Variants in NEGR1 observed in about 807,000 individuals in gnomAD.
NEGR1 encodes neuronal growth regulator 1, also known as IgLON family member 4.
NEGR1 carries 10 observed loss-of-function variants against 40.9 expected under a neutral mutation model. The ratio of observed to expected loss-of-function variants is 0.24; its 90% CI spans 0.15 to 0.42. The LOEUF (loss-of-function observed/expected upper bound fraction) is 0.42. NEGR1 is among the 10% of genes least tolerant of loss of function. The probability of loss-of-function intolerance (pLI) is 1.00; values close to 1 mark genes in which losing one functional copy is unlikely to be tolerated. For missense variants in NEGR1, 352 were observed against 438.9 expected, an observed-to-expected ratio of 0.80 and a Z score of 1.77; for synonymous variants, 185 against 166.8, an observed-to-expected ratio of 1.11 and a Z score of -0.84.
chr1:71,493,737 A>G (rs1173556895), intron 6 of NEGR1, among the ~76,000 whole-genome samples: 1 of 152,152 alleles, frequency 6.6e-6, no homozygotes, highest in Non-Finnish European at 1.5e-5. Flanking sequence ...CTGCTCATCA[A>G]CCAAATTCAA....
At chr1:72,048,022 C>T (rs1350458988) in intron 1 of NEGR1, among the ~76,000 whole-genome samples, 2 of 151,594 alleles carry the variant, frequency 1.3e-5, no homozygotes, top group Non-Finnish European at 3.0e-5. Context: ...AATGGACCAA[C>T]TACTCTTTTG....
intron 1 of NEGR1, among the ~76,000 whole-genome samples, chr1:71,997,134 C>T (rs1268927034): frequency 6.6e-6 from 1 of 152,006 alleles, no homozygotes; most frequent in African/African-American, 2.4e-5. Context: ...ATCAAGCTAC[C>T]TGTTGAATAA....
chr1:71,556,311 G>A (rs1648248554), intron 6 of NEGR1, among the ~76,000 whole-genome samples: 1 of 151,426 alleles, frequency 6.6e-6, no homozygotes, highest in South Asian at 2.1e-4. Context: ...AAAACAATTG[G>A]TTCATTAGCT....
At chr1:72,273,390 A>G (rs1655922561) in intron 1 of NEGR1, among the ~76,000 whole-genome samples, 1 of 151,928 alleles carries the variant, frequency 6.6e-6, no homozygotes, top group Non-Finnish European at 1.5e-5. Context: ...CACAATAGAC[A>G]TTTTGCTATT....
chr1:71,796,431 C>G (rs1222175609), intron 2 of NEGR1, among the ~76,000 whole-genome samples: 1 of 152,072 alleles, frequency 6.6e-6, no homozygotes, highest in Non-Finnish European at 1.5e-5. Context: ...AAAAAATAAT[C>G]GAGAAACAGG....
At chr1:72,070,494 T>C (rs141966220) in intron 1 of NEGR1, among the ~76,000 whole-genome samples, 76 of 152,128 alleles carry the variant, frequency 5.0e-4, no homozygotes, top group African/African-American at 1.7e-3. Flanking sequence ...TATTGCTTCA[T>C]GTAGTAGAAG....
intron 5 of NEGR1, among the ~76,000 whole-genome samples, chr1:71,597,548 G>A (rs1294587562): frequency 7.0e-6 from 1 of 142,800 alleles, no homozygotes; most frequent in Non-Finnish European, 1.5e-5. Flanking sequence ...AATGTGACCA[G>A]GAATGCTTTA....
intron 1 of NEGR1, among the ~76,000 whole-genome samples, chr1:72,207,194 C>T (rs922421679): frequency 3.3e-5 from 5 of 151,426 alleles, no homozygotes; most frequent in African/African-American, 1.2e-4. Flanking sequence ...ATATGTACCT[C>T]AAACATGTTT....
chr1:71,418,816 CT>C (rs1646374117), intron 6 of NEGR1, among the ~76,000 whole-genome samples: 1 of 152,114 alleles, frequency 6.6e-6, no homozygotes, highest in African/African-American at 2.4e-5. Context: ...ATTTTTTCAT[CT>C]TTCTTTTCCT....
chr1:72,106,457 G>T (rs1331180571), intron 1 of NEGR1, among the ~76,000 whole-genome samples: 1 of 151,792 alleles, frequency 6.6e-6, no homozygotes, highest in Non-Finnish European at 1.5e-5. Flanking sequence ...AGTAGATATT[G>T]CTAGCTCTCT....
At chr1:72,136,593 C>A (rs1650472435) in intron 1 of NEGR1, among the ~76,000 whole-genome samples, 1 of 128,246 alleles carries the variant, frequency 7.8e-6, no homozygotes, top group Admixed American at 8.7e-5. Context: ...CAGGTCTTAG[C>A]CAGCAAAAAA....
intron 4 of NEGR1, among the ~76,000 whole-genome samples, chr1:71,651,032 T>C (rs1268949603): frequency 6.6e-6 from 1 of 152,174 alleles, no homozygotes; most frequent in Non-Finnish European, 1.5e-5. Context: ...AATATAGCTT[T>C]ATCTCTTTTC....
At chr1:72,277,811 G>A (rs1291035918) in intron 1 of NEGR1, among the ~76,000 whole-genome samples, 2 of 152,054 alleles carry the variant, frequency 1.3e-5, no homozygotes, top group Non-Finnish European at 2.9e-5. Context: ...CTGTGTATTT[G>A]GAAGGTATAA....
intron 4 of NEGR1, among the ~76,000 whole-genome samples, chr1:71,644,970 T>C (rs952018190): frequency 1.3e-5 from 2 of 151,934 alleles, no homozygotes; most frequent in African/African-American, 2.4e-5. Context: ...TTTAGTTATT[T>C]TTTCTACTGG....
intron 6 of NEGR1, among the ~76,000 whole-genome samples, chr1:71,475,130 A>G (rs1172871612): frequency 6.6e-6 from 1 of 152,068 alleles, no homozygotes; most frequent in Non-Finnish European, 1.5e-5. Context: ...CTCTACTAGA[A>G]AAAGAGACTG....
chr1:71,690,043 C>T lies in NEGR1; in HGVS notation c.667+7965G>A, dbSNP rs1350736007. Among the ~76,000 whole-genome samples the T allele has an allele frequency of 2.0e-5, 3 of 151,948 alleles. No individual in the cohort carries two copies. In the East Asian group the frequency reaches 5.8e-4, roughly 29 times the overall value. ...GATGCTTTTGTCCCAAATTTATCTG[C>T]CATAATTCTTGTACATACTGCTATT... is the stretch of plus-strand genomic sequence containing the variant. On this transcript the variant is annotated intron_variant, in intron 4 of 6. Coordinates refer to ENST00000357731, the MANE Select transcript of NEGR1 (RefSeq NM_173808.3).
chr1:72,105,202 A>G (rs1649090381), intron 1 of NEGR1, among the ~76,000 whole-genome samples: 1 of 152,058 alleles, frequency 6.6e-6, no homozygotes, highest in Admixed American at 6.6e-5. Context: ...CATGTATCTG[A>G]TTTTACATCA....
intron 2 of NEGR1, among the ~76,000 whole-genome samples, chr1:71,818,766 C>T (rs1658317514): frequency 6.6e-6 from 1 of 151,664 alleles, no homozygotes; most frequent in Non-Finnish European, 1.5e-5. Context: ...ATTTTTTTAA[C>T]AATAAAAGCT....
intron 2 of NEGR1, among the ~76,000 whole-genome samples, chr1:71,833,776 C>T (rs1658920995): frequency 6.6e-6 from 1 of 152,150 alleles, no homozygotes; most frequent in Middle Eastern, 3.4e-3. Context: ...TCTTCATGTG[C>T]TTAATTATTT....
Sources: allele counts gnomAD v4.1 joint callset (sites outside exome capture counted in the v4.1 genomes callset), GRCh38; gene constraint gnomAD v4.1.1; transcripts MANE v1.5; gene names NCBI Gene and HGNC (gene_info 2026-07-23, HGNC 2026-07-21).